CCAR2: variants seen among roughly 807,000 people sequenced by gnomAD.
CCAR2 encodes cell cycle and apoptosis regulator protein 2.
Under a neutral mutation model 108.1 loss-of-function variants are expected in CCAR2, and 21 were observed. The ratio of observed to expected loss-of-function variants is 0.19; its 90% CI spans 0.14 to 0.28. The LOEUF (loss-of-function observed/expected upper bound fraction) is 0.28, where lower values mean the gene tolerates loss of function less well. CCAR2 is among the 10% of genes least tolerant of loss of function. CCAR2 has a pLI of 1.00. For synonymous variants in CCAR2, 577 were observed against 472.8 expected, an observed-to-expected ratio of 1.22 and a Z score of -2.86; for missense variants, 1,126 against 1,177.0, an observed-to-expected ratio of 0.96 and a Z score of 0.63.
chr8:22,605,993 A>C, intron 2 of CCAR2, 92 bp from the exon 3 acceptor site: 1 of 1,323,006 alleles, frequency 7.6e-7, no homozygotes, highest in Non-Finnish European at 1.1e-6. Context: ...AGCTGGCTGG[A>C]GCTGTAGCCT....
chr8:22,618,135 A>G (rs995866146), intron 16 of CCAR2: 3 of 626,058 alleles, frequency 4.8e-6, no homozygotes, highest in Admixed American at 2.9e-5. Flanking sequence ...GCTGGAGCAC[A>G]GTGGTTATTC....
Position 22,604,862 on chromosome 8 carries a change from G to C in CCAR2, c.-39+20G>C. On this transcript the variant is annotated intron_variant, in intron 1 of 20. Transcript: ENST00000308511. ...CCGCAGGTGGGTTGGGGGGCCCCCT[G>C]CCGCCCCTCTGCCCCTTCGCCCCTC... The C allele has an allele frequency of 2.2e-6, 1 of 450,894 alleles. No individual in the cohort carries two copies. Among genetic ancestry groups the C allele is most frequent in the Non-Finnish European group, 4.4e-6 (1 of 224,736 alleles). 27.9% of individuals were successfully genotyped at this position (450,894 alleles called of 1,614,324 possible). A position where few individuals can be genotyped will look rare whatever the true frequency, so the allele number is the denominator to read the frequency against.
Position 22,619,638 on chromosome 8 carries a change from G to T in CCAR2, c.2728G>T (p.Ala910Ser). ...QLEIQRVVEKADSWVEKEEPA... is the reference protein window; with the variant it reads ...QLEIQRVVEKSDSWVEKEEPA... ...TGGGTACATCATCTGTTTCAAACAGGCTGACAGCTGGGTGGAGAAGGAGGA... is the reference window on the plus strand; with the variant it reads ...TGGGTACATCATCTGTTTCAAACAGTCTGACAGCTGGGTGGAGAAGGAGGA... Residue 910 changes from alanine to serine, a missense_variant and splice_region_variant, in exon 21 of 21, where the codon GCT becomes TCT. Physicochemically the swap from Ala to Ser is moderately conservative, Grantham distance 99 (BLOSUM62 1). Transcript: ENST00000308511. The T allele has an allele frequency of 6.4e-7, 1 of 1,571,868 alleles. No homozygotes were observed. The highest frequency in any genetic ancestry group is 1.2e-5 in the South Asian group (1 of 85,648).
intron 1 of CCAR2, chr8:22,605,045 C>T (rs977027837): frequency 5.1e-5 from 15 of 292,252 alleles, no homozygotes; most frequent in South Asian, 2.1e-4. Context: ...GCGCCTCAGT[C>T]CTCCCTTGGT....
Position 22,611,944 on chromosome 8 carries a change from TC to T in CCAR2, c.585-1072del, listed in dbSNP as rs1374797507. Reference sequence around the variant, plus strand: ...ATTATTAAGGATTTGTAACTGTCTCTCTTTTTTTTTTTTTTGGTGAGACAGA... The same window carrying T: ...ATTATTAAGGATTTGTAACTGTCTCTTTTTTTTTTTTTTTGGTGAGACAGA... On this transcript the variant is annotated intron_variant, in intron 7 of 20. Coordinates refer to ENST00000308511, the MANE Select transcript of CCAR2 (RefSeq NM_001393997.1). Among the ~76,000 whole-genome samples, 104 of 78,990 alleles carry T rather than the reference TC, an allele frequency of 1.3e-3. 1 individual carries two copies. The highest frequency in any genetic ancestry group is 2.3e-3 in the African/African-American group (60 of 25,776). 51.8% of individuals were successfully genotyped at this position (78,990 alleles called of 152,430 possible).
At position 22,616,104 on chromosome 8, in the gene CCAR2, C is replaced by T. The variant is rs1428560693; in HGVS notation, c.1701C>T (p.Val567=). Residue 567 remains valine (V), a synonymous_variant, in exon 14 of 21, where the codon GTC becomes GTT. Coordinates refer to ENST00000308511, the MANE Select transcript of CCAR2 (RefSeq NM_001393997.1). Reference sequence around the variant, plus strand: ...TGCTACTGAGCCTTCCTGAAAAGGTCGTGTCCCCACCTGAACCTGAGAAGG... The same window carrying T: ...TGCTACTGAGCCTTCCTGAAAAGGTTGTGTCCCCACCTGAACCTGAGAAGG... ...YKMLLSLPEK[V]VSPPEPEKEE... is the part of the protein sequence containing the mutation. 31 of 1,613,842 alleles carry T rather than the reference C, an allele frequency of 1.9e-5. No individual in the cohort carries two copies. Among genetic ancestry groups the T allele is most frequent in the Middle Eastern group, 1.6e-4 (1 of 6,084 alleles).
At position 22,618,036 on chromosome 8, in the gene CCAR2, G is replaced by C. The variant is rs948737006; in HGVS notation, c.2073+258G>C. 1.5e-5 allele frequency: 9 copies of C among 592,888 alleles called. No homozygotes were observed. In the African/African-American group the frequency reaches 1.7e-4, roughly 11 times the overall value. 36.7% of individuals were successfully genotyped at this position (592,888 alleles called of 1,614,324 possible). On this transcript the variant is annotated intron_variant, in intron 16 of 20. Transcript: ENST00000308511. ...CAGGAGCTTTTGCCAAAGTGGGCCA[G>C]AGAGGAAGGCTGGCTTGGGCGTGAT...
Position 22,617,417 on chromosome 8 carries a change from TAGA to T in CCAR2, c.1846_1848del (p.Lys616del), listed in dbSNP as rs754206554. On this transcript the variant is annotated splice_acceptor_variant and coding_sequence_variant, in exon 15 of 21. Transcript: ENST00000308511. LOFTEE classifies it high-confidence loss of function. ...TCCTTATAACCTTTGTCTGCCTCTG[TAGA>T]AGGAGGATGGGCTTTTGCCCAAACC... 4 of 1,536,472 alleles carry T rather than the reference TAGA, an allele frequency of 2.6e-6. No individual in the cohort carries two copies. Among genetic ancestry groups the T allele is most frequent in the East Asian group, 2.3e-5 (1 of 44,208 alleles).
At chr8:22,615,239 C>G (rs755970820) in intron 11 of CCAR2, 186 bp from the exon 12 acceptor site, 11 of 857,278 alleles carry the variant, frequency 1.3e-5, no homozygotes, top group Non-Finnish European at 1.9e-5. Flanking sequence ...TGTGTGGTTG[C>G]GGCCTCCCCA....
chr8:22,616,808 T>A (rs1459403265), intron 14 of CCAR2, among the ~76,000 whole-genome samples: 4 of 136,588 alleles, frequency 2.9e-5, no homozygotes, highest in East Asian at 2.6e-4. Context: ...AGAGTAAGAC[T>A]CTCTGTCTCA....
At chr8:22,618,134 C>T in intron 16 of CCAR2, 3 of 625,272 alleles carry the variant, frequency 4.8e-6, no homozygotes, top group Admixed American at 5.8e-5. Flanking sequence ...GGCTGGAGCA[C>T]AGTGGTTATT....
intron 11 of CCAR2, 159 bp downstream of exon 11, chr8:22,615,160 A>G (rs556505972): frequency 2.1e-5 from 22 of 1,071,754 alleles, no homozygotes; most frequent in Admixed American, 2.9e-5. Context: ...GGTGTATGCC[A>G]AAATCTGGCT....
rs201937205 is a variant in CCAR2, at chr8:22,616,244, C to A, written c.1841C>A (p.Pro614Gln). ...NEGPATESEAPLKEDGLLPKP... is the reference protein window; with the variant it reads ...NEGPATESEAQLKEDGLLPKP... The stretch of plus-strand genomic sequence containing the variant: ...GGCCCGGCTACAGAGTCAGAGGCCC[C>A]GCTGGTGAGTACCCTGCCACCTCGG... Residue 614 changes from proline (P) to glutamine (Q), a missense_variant, in exon 14 of 21, where the codon CCG becomes CAG. Coordinates refer to ENST00000308511, the MANE Select transcript of CCAR2 (RefSeq NM_001393997.1). The A allele has an allele frequency of 1.4e-5, 22 of 1,611,996 alleles. No homozygotes were observed. The Admixed American group carries it at 3.7e-4, about 27-fold the overall frequency.
intron 7 of CCAR2, among the ~76,000 whole-genome samples, chr8:22,608,671 C>T (rs944981493): frequency 3.9e-5 from 6 of 152,278 alleles, no homozygotes; most frequent in East Asian, 1.9e-4. Context: ...CATGCTGTCC[C>T]GTCTTCTCTC....
chr8:22,621,388 C>G, downstream of CCAR2: 1 of 1,597,812 alleles, frequency 6.3e-7, no homozygotes, highest in Non-Finnish European at 8.5e-7. Context: ...TGAGGCTGAC[C>G]ACGTCACAGG....
Position 22,615,609 on chromosome 8 carries a change from C to G in CCAR2, c.1377+13C>G. 1 of 1,613,724 alleles carries G rather than the reference C, an allele frequency of 6.2e-7. No homozygotes were observed. Reference sequence around the variant, plus strand: ...GGAGGCACAAGGGGTAAGGCTGTGCCTTAGCCAGCAGCGGGGGATATAGGT... The same window carrying G: ...GGAGGCACAAGGGGTAAGGCTGTGCGTTAGCCAGCAGCGGGGGATATAGGT... On this transcript the variant is annotated intron_variant, in intron 12 of 20. Transcript: ENST00000308511.
chr8:22,618,026 A>G, intron 16 of CCAR2: 1 of 592,292 alleles, frequency 1.7e-6, no homozygotes, highest in South Asian at 2.1e-5. Context: ...GCTTTTGCCA[A>G]AGTGGGCCAG....
chr8:22,604,883 C>A (rs560439467), intron 1 of CCAR2, 41 bp downstream of exon 1: 1 of 428,384 alleles, frequency 2.3e-6, no homozygotes, highest in African/African-American at 2.1e-5. Context: ...GCCCCTTCGC[C>A]CCTCCGCCCC....
chr8:22,619,117 G>A, intron 19 of CCAR2, 33 bp from the exon 20 acceptor site: 2 of 1,602,352 alleles, frequency 1.2e-6, no homozygotes, highest in Middle Eastern at 3.3e-4. Flanking sequence ...CCTTGATGGA[G>A]CAGCCGTCCC....
Sources: gnomAD v4.1 joint callset for allele counts (sites outside exome capture counted in the v4.1 genomes callset) on GRCh38, gnomAD v4.1.1 for gene constraint, MANE v1.5 for transcripts, NCBI Gene and HGNC (gene_info 2026-07-23, HGNC 2026-07-21) for gene names.